GTSE1: variants seen among roughly 807,000 people sequenced by gnomAD.
GTSE1 encodes G2 and S phase-expressed protein 1.
Under a neutral mutation model 60.5 loss-of-function variants are expected in GTSE1, and 52 were observed. That is an observed-to-expected ratio of 0.86 (90% CI 0.69 to 1.08). GTSE1 has a LOEUF of 1.08. Among genes scored for constraint, GTSE1 ranks in the 50% least tolerant of loss-of-function variants. The probability of loss-of-function intolerance (pLI) is 0.00; values close to 1 mark genes in which losing one functional copy is unlikely to be tolerated. For synonymous variants in GTSE1, 368 were observed against 386.5 expected (o/e 0.95, Z 0.56); for missense variants, 937 against 961.8 (o/e 0.97, Z 0.34).
rs549860185 is a variant in GTSE1 at position 46,309,663 on chromosome 22, C to T, written c.762+720C>T. Among the ~76,000 whole-genome samples the T allele has an allele frequency of 6.6e-6, 1 of 152,174 alleles. No individual in the cohort carries two copies. The highest frequency in any genetic ancestry group is 1.5e-5 in the Non-Finnish European group (1 of 68,024). On this transcript the variant is annotated intron_variant, in intron 4 of 11. Coordinates refer to ENST00000454366, the MANE Select transcript of GTSE1 (RefSeq NM_016426.7). This position sits in a 1 kb window ranked among gnomAD's most constrained non-coding sequence, Gnocchi z 6.2. ...AAGGGCCCAGAAATTCCTTTACCCCCACCAAGCCCATCTCCTGAGCCACAT... is the reference window on the plus strand; with the variant it reads ...AAGGGCCCAGAAATTCCTTTACCCCTACCAAGCCCATCTCCTGAGCCACAT...
rs1395223657 is a variant in GTSE1, at chr22:46,304,978, CA to C, written c.80-3165del. ...TGGGTGACAGAGCGAGACCCTGTCT[CA>C]AAAAAAGAAAAAGGATTATTATGCT... On this transcript the variant is annotated intron_variant, in intron 2 of 11. Coordinates refer to ENST00000454366, the MANE Select transcript of GTSE1 (RefSeq NM_016426.7). This position sits in a 1 kb window ranked among gnomAD's most constrained non-coding sequence, Gnocchi z 4.4. Among the ~76,000 whole-genome samples the C allele has an allele frequency of 6.6e-6, 1 of 151,654 alleles. No individual in the cohort carries two copies.
At chr22:46,307,005 G>T (rs1008734385) in intron 2 of GTSE1, among the ~76,000 whole-genome samples, 4 of 152,328 alleles carry the variant, frequency 2.6e-5, no homozygotes, top group African/African-American at 9.6e-5. Context: ...ACTCACAGAG[G>T]CTAGTGCAGT....
chr22:46,328,802 G>A lies in GTSE1; in HGVS notation c.1839G>A (p.Glu613=), dbSNP rs2077859015. The change falls in exon 10 of 12, where the codon GAG becomes GAA. Residue 613 remains glutamate, a synonymous_variant. Coordinates refer to ENST00000454366, the MANE Select transcript of GTSE1 (RefSeq NM_016426.7). Reference sequence around the variant, plus strand: ...CTCAGGCACTTAACTTTTCTCCAGAGGAAAGCGATTCTACTTTCTCCAAAA... The same window carrying A: ...CTCAGGCACTTAACTTTTCTCCAGAAGAAAGCGATTCTACTTTCTCCAAAA... ...RVPQALNFSP[E]ESDSTFSKST... 1 of 1,613,958 alleles carries A rather than the reference G, an allele frequency of 6.2e-7. No homozygotes were observed. Among genetic ancestry groups the A allele is most frequent in the African/African-American group, 1.3e-5 (1 of 74,920 alleles).
At position 46,326,634 on chromosome 22, in the gene GTSE1, C is replaced by T. The variant is rs9615949; in HGVS notation, c.1704C>T (p.Pro568=). Reference sequence around the variant, plus strand: ...CAGCTCGGAGACGTTCCTCTGAGCCCCGCAAGAACTCTGCAATGAGGTAAG... The same window carrying T: ...CAGCTCGGAGACGTTCCTCTGAGCCTCGCAAGAACTCTGCAATGAGGTAAG... The part of the protein sequence containing the change: ...CVPARRRSSE[P]RKNSAMRTEP... Residue 568 remains proline, a synonymous_variant, in exon 9 of 12, where the codon CCC becomes CCT. Transcript: ENST00000454366. 0.092 allele frequency: 148,874 copies of T among 1,609,528 alleles called. 7,587 individuals are homozygous for T. Among genetic ancestry groups the T allele is most frequent in the Non-Finnish European group, 0.11 (123,867 of 1,177,220 alleles).
Position 46,313,084 on chromosome 22 carries a change from G to A in GTSE1, c.927+779G>A, listed in dbSNP as rs1303227421. Among the ~76,000 whole-genome samples, 2 of 150,528 alleles carry A rather than the reference G, an allele frequency of 1.3e-5. No homozygotes were observed. Among genetic ancestry groups the A allele is most frequent in the Admixed American group, 6.7e-5 (1 of 14,980 alleles). ...AGGTTGAGGTGGGAGGATTGCTTGA[G>A]CCCAGGAGGTCAAGGCTGCAGTGAG... On this transcript the variant is annotated intron_variant, in intron 5 of 11. Transcript: ENST00000454366. This position sits in a 1 kb window ranked among gnomAD's most constrained non-coding sequence, Gnocchi z 4.4.
chr22:46,300,627 G>A (rs1190775790), intron 2 of GTSE1, among the ~76,000 whole-genome samples: 2 of 152,164 alleles, frequency 1.3e-5, no homozygotes. Context: ...CCTCCAGGGT[G>A]GGCTGCATGT....
At chr22:46,328,600 G>C (rs879436621) in intron 9 of GTSE1, 88 bp from the exon 10 acceptor site, 43 of 1,023,430 alleles carry the variant, frequency 4.2e-5, no homozygotes, top group Non-Finnish European at 6.0e-5. Flanking sequence ...CCAGGACACT[G>C]TTCCTCCAGA....
intron 8 of GTSE1, among the ~76,000 whole-genome samples, chr22:46,325,799 A>G (rs932087027): frequency 5.3e-5 from 8 of 152,262 alleles, no homozygotes; most frequent in South Asian, 2.1e-4. Flanking sequence ...TTCAGTCCAC[A>G]GCAAATGCCA....
chr22:46,308,999 C>T, intron 4 of GTSE1, 56 bp downstream of exon 4: 1 of 1,538,466 alleles, frequency 6.5e-7, no homozygotes, highest in Non-Finnish European at 8.8e-7. Context: ...GCCCCTCAGC[C>T]CTCTCACAGA....
intron 2 of GTSE1, among the ~76,000 whole-genome samples, chr22:46,303,863 C>G (rs1440434285): frequency 6.6e-6 from 1 of 152,148 alleles, no homozygotes; most frequent in Non-Finnish European, 1.5e-5. Context: ...GGAATTGGTT[C>G]TTTTCCTTCC....
chr22:46,319,553 G>A lies in GTSE1; in HGVS notation c.1432+3141G>A, dbSNP rs1264908612. Among the ~76,000 whole-genome samples the A allele has an allele frequency of 6.6e-6, 1 of 152,114 alleles. No homozygotes were observed. The highest frequency in any genetic ancestry group is 2.4e-5 in the African/African-American group (1 of 41,400). ...GGAAGAGGCAGCGGGCAGAGTCCAC[G>A]GCCCCATTTTGGAAGTAGTGAGGGT... On this transcript the variant is annotated intron_variant, in intron 7 of 11. Transcript: ENST00000454366. This position sits in a 1 kb window ranked among gnomAD's most constrained non-coding sequence, Gnocchi z 5.0.
Position 46,317,873 on chromosome 22 carries a change from C to T in GTSE1, c.1432+1461C>T, listed in dbSNP as rs908050346. 4.6e-5 allele frequency among the ~76,000 whole-genome samples: 7 copies of T among 152,052 alleles called. No individual in the cohort carries two copies. Among genetic ancestry groups the T allele is most frequent in the Non-Finnish European group, 7.4e-5 (5 of 67,970 alleles). ...CGCTCGTTGCTCCCTGGTAAGACGG[C>T]GGTTTCTCGGCCCTGTGAGCTCCGC... On this transcript the variant is annotated intron_variant, in intron 7 of 11. Transcript: ENST00000454366. This position sits in a 1 kb window ranked among gnomAD's most constrained non-coding sequence, Gnocchi z 5.6.
chr22:46,300,538 G>C (rs1407379244), intron 2 of GTSE1, among the ~76,000 whole-genome samples: 2 of 152,122 alleles, frequency 1.3e-5, no homozygotes, highest in Non-Finnish European at 2.9e-5. Context: ...CTTCTGACCC[G>C]TTCCTCTCAC....
intron 8 of GTSE1, among the ~76,000 whole-genome samples, chr22:46,325,441 C>A (rs2077838113): frequency 6.6e-6 from 1 of 152,170 alleles, no homozygotes; most frequent in African/African-American, 2.4e-5. Context: ...CGTGATCCAC[C>A]CGCCTCGGCC....
In GTSE1 at chr22:46,312,067, T is replaced by C. The variant is rs2077751490; in HGVS notation, c.763-74T>C. On this transcript the variant is annotated intron_variant, in intron 4 of 11. Coordinates refer to ENST00000454366, the MANE Select transcript of GTSE1 (RefSeq NM_016426.7). ...GGGAAGATGGGGCCTAGGCTCGCTC[T>C]GAATGGAAGCCTGAGTATCTCTGTA... 4.6e-6 allele frequency: 6 copies of C among 1,305,626 alleles called. 1 individual carries two copies. The highest frequency in any genetic ancestry group is 6.4e-6 in the Non-Finnish European group (6 of 934,134). 80.9% of individuals were successfully genotyped at this position (1,305,626 alleles called of 1,614,324 possible).
At position 46,314,450 on chromosome 22, in the gene GTSE1, A is replaced by G. The variant is rs2077767034; in HGVS notation, c.1051+437A>G. ...AGCCACATTTCAACCTTGCCAAGCC[A>G]CAGCTGCCATCTAGTGGTAAGGGAA... On this transcript the variant is annotated intron_variant, in intron 6 of 11. Transcript: ENST00000454366. The surrounding 1 kb of genome is among the most constrained non-coding windows in gnomAD (Gnocchi z 7.1). Among the ~76,000 whole-genome samples the G allele has an allele frequency of 6.6e-6, 1 of 152,110 alleles. No individual in the cohort carries two copies. The highest frequency in any genetic ancestry group is 1.5e-5 in the Non-Finnish European group (1 of 68,024).
At chr22:46,322,332 C>G (rs1226090970) in intron 7 of GTSE1, among the ~76,000 whole-genome samples, 2 of 152,188 alleles carry the variant, frequency 1.3e-5, no homozygotes, top group Non-Finnish European at 2.9e-5. Context: ...GAAGAGGCCT[C>G]AGCTCCAGGC....
chr22:46,330,100 G>A lies in GTSE1; in HGVS notation c.2190G>A (p.Glu730=). 1 of 1,609,876 alleles carries A rather than the reference G, an allele frequency of 6.2e-7. No homozygotes were observed. Among genetic ancestry groups the A allele is most frequent in the Non-Finnish European group, 8.5e-7 (1 of 1,176,080 alleles). The change falls in exon 12 of 12, where the codon GAG becomes GAA. Residue 730 remains glutamate (E), a synonymous_variant. Transcript: ENST00000454366. This position sits in a 1 kb window ranked among gnomAD's most constrained non-coding sequence, Gnocchi z 6.0. ...AGCTGAGCCCTGAGGCTGACAAGGA[G>A]AACGTGGATTCCCCACTCCTCAAGT... ...LIQLSPEADK[E]NVDSPLLKF
chr22:46,326,566 C>G lies in GTSE1; in HGVS notation c.1636C>G (p.Pro546Ala). The change falls in exon 9 of 12, where the codon CCC (proline) becomes GCC (alanine). Residue 546 changes from proline (P) to alanine (A), a missense_variant. Transcript: ENST00000454366. ...CTGCTCTGGCCTTCCACCGATGACC[C>G]CCAAAACGATGCCCAGGGCCGTGGG... is the stretch of plus-strand genomic sequence containing the variant. The part of the protein sequence containing the change: ...RRCSGLPPMT[P>A]KTMPRAVGSP... The G allele has an allele frequency of 6.2e-7, 1 of 1,614,148 alleles. No individual in the cohort carries two copies. The highest frequency in any genetic ancestry group is 1.1e-5 in the South Asian group (1 of 91,060).
Sources: allele counts gnomAD v4.1 joint callset (sites outside exome capture counted in the v4.1 genomes callset), GRCh38; gene constraint gnomAD v4.1.1; non-coding constraint Gnocchi (gnomAD v3.1); transcripts MANE v1.5; gene names NCBI Gene and HGNC (gene_info 2026-07-23, HGNC 2026-07-21).